Variants in RAPGEF6 observed in about 807,000 individuals in gnomAD.
The protein encoded by RAPGEF6 is Rap guanine nucleotide exchange factor 6.
Under a neutral mutation model 171.4 loss-of-function variants are expected in RAPGEF6, and 56 were observed. The ratio of observed to expected loss-of-function variants is 0.33; its 90% confidence interval spans 0.26 to 0.41. The LOEUF (loss-of-function observed/expected upper bound fraction) is 0.41. RAPGEF6 is among the 10% of genes least tolerant of loss of function. The probability of loss-of-function intolerance (pLI) is 1.00; values close to 1 mark genes in which losing one functional copy is unlikely to be tolerated. For missense variants in RAPGEF6, 1,674 were observed against 1,921.4 expected (o/e 0.87, Z 2.41); for synonymous variants, 692 against 650.1 (o/e 1.06, Z -0.98).
intron 24 of RAPGEF6, among the ~76,000 whole-genome samples, chr5:131,434,688 T>A (rs541513405): frequency 6.6e-6 from 1 of 152,354 alleles, no homozygotes; most frequent in Admixed American, 6.5e-5. Context: ...ATGTTCTATG[T>A]TGTTCTGTGA....
At chr5:131,596,677 G>A (rs1292808908) in intron 3 of RAPGEF6, among the ~76,000 whole-genome samples, 1 of 152,014 alleles carries the variant, frequency 6.6e-6, no homozygotes, top group East Asian at 1.9e-4. Flanking sequence ...CTTAGAAAAT[G>A]TATATCTCCT....
chr5:131,538,654 T>C (rs1332901657), intron 6 of RAPGEF6, among the ~76,000 whole-genome samples: 1 of 152,212 alleles, frequency 6.6e-6, no homozygotes, highest in Non-Finnish European at 1.5e-5. Context: ...CCATGGATAC[T>C]GAGGGACCAT....
At chr5:131,486,983 G>T (rs1755938924) in intron 15 of RAPGEF6, among the ~76,000 whole-genome samples, 1 of 152,144 alleles carries the variant, frequency 6.6e-6, no homozygotes, top group Non-Finnish European at 1.5e-5. Context: ...CTGATCGTCA[G>T]TTTTAAGTAA....
In RAPGEF6 at chr5:131,426,701, G is replaced by GGTCGC; in HGVS notation, c.*564_*565insGCGAC. On this transcript the variant is annotated 3_prime_UTR_variant, in exon 28 of 28. Coordinates refer to ENST00000509018, the MANE Select transcript of RAPGEF6 (RefSeq NM_016340.6). ...CAAGTCACATCTCTGTGTAGATCAA[G>GGTCGC]CATATCACCTCTGTAAAGATGACTT... is the stretch of plus-strand genomic sequence containing the variant. The GGTCGC allele has an allele frequency of 6.4e-6, 1 of 155,882 alleles. No individual in the cohort carries two copies. The highest frequency in any genetic ancestry group is 1.4e-5 in the Non-Finnish European group (1 of 71,128). 9.7% of individuals were successfully genotyped at this position (155,882 alleles called of 1,614,324 possible). A position where few individuals can be genotyped will look rare whatever the true frequency, so the allele number is the denominator to read the frequency against.
rs556619406 is a variant in RAPGEF6, at chr5:131,498,319, T to C, written c.1419+124A>G. 277 of 857,126 alleles carry C rather than the reference T, an allele frequency of 3.2e-4. No individual in the cohort carries two copies. In the African/African-American group the frequency reaches 4.2e-3, roughly 13 times the overall value. The allele number at this position is 857,126 out of a possible 1,614,324, so 53.1% of individuals were successfully genotyped here. A position where few individuals can be genotyped will look rare whatever the true frequency, so the allele number is the denominator to read the frequency against. ...AGAATGTTTATACTGATGGTTCAGGTTCATTAATTTTTTTAGGTGTACTGA... is the reference window on the plus strand; with the variant it reads ...AGAATGTTTATACTGATGGTTCAGGCTCATTAATTTTTTTAGGTGTACTGA... On this transcript the variant is annotated intron_variant, in intron 12 of 27. Transcript: ENST00000509018.
chr5:131,516,071 T>C (rs1561527913), intron 7 of RAPGEF6, among the ~76,000 whole-genome samples: 9 of 8,372 alleles, frequency 1.1e-3, no homozygotes, highest in Non-Finnish European at 1.7e-3. Context: ...TTTTTTTTTT[T>C]TTTTTTTTTT....
Position 131,426,759 on chromosome 5 carries a change from C to A in RAPGEF6, c.*507G>T. On this transcript the variant is annotated 3_prime_UTR_variant, in exon 28 of 28. Coordinates refer to ENST00000509018, the MANE Select transcript of RAPGEF6 (RefSeq NM_016340.6). Reference sequence around the variant, plus strand: ...GTCAGACCAGAGACAATTTTATGACCTCAAACATGAATATCAGCTAACAAG... The same window carrying A: ...GTCAGACCAGAGACAATTTTATGACATCAAACATGAATATCAGCTAACAAG... 13 of 172,158 alleles carry A rather than the reference C, an allele frequency of 7.6e-5. No homozygotes were observed. Among genetic ancestry groups the A allele is most frequent in the South Asian group, 1.5e-4 (1 of 6,774 alleles). The allele number at this position is 172,158 out of a possible 1,614,324, so 10.7% of individuals were successfully genotyped here. A position where few individuals can be genotyped will look rare whatever the true frequency, so the allele number is the denominator to read the frequency against.
At chr5:131,577,794 C>G (rs1042336781) in intron 4 of RAPGEF6, among the ~76,000 whole-genome samples, 7 of 152,152 alleles carry the variant, frequency 4.6e-5, no homozygotes, top group African/African-American at 1.4e-4. Context: ...GTCACAAGTA[C>G]TCTCCCCTAC....
intron 21 of RAPGEF6, among the ~76,000 whole-genome samples, chr5:131,447,572 C>G (rs1383306957): frequency 1.3e-5 from 2 of 152,144 alleles, no homozygotes; most frequent in Admixed American, 6.6e-5. Flanking sequence ...ACAAGGCTAA[C>G]AAATACAAAA....
At chr5:131,572,951 A>G (rs1762390378) in intron 4 of RAPGEF6, among the ~76,000 whole-genome samples, 1 of 152,040 alleles carries the variant, frequency 6.6e-6, no homozygotes, top group Non-Finnish European at 1.5e-5. Flanking sequence ...AATTGCGCAA[A>G]TGGTCTGAGG....
chr5:131,562,293 A>C (rs1199145909), intron 4 of RAPGEF6, among the ~76,000 whole-genome samples: 1 of 152,096 alleles, frequency 6.6e-6, no homozygotes, highest in Non-Finnish European at 1.5e-5. Context: ...GCCTTTAACT[A>C]GTCCCTAAAA....
intron 16 of RAPGEF6, among the ~76,000 whole-genome samples, chr5:131,474,101 G>A (rs1180681974): frequency 3.9e-5 from 6 of 152,132 alleles, no homozygotes; most frequent in Non-Finnish European, 8.8e-5. Flanking sequence ...AGGTAATATA[G>A]GCGAATGTTG....
intron 22 of RAPGEF6, 64 bp downstream of exon 22, chr5:131,446,419 T>C (rs574564255): frequency 2.8e-6 from 4 of 1,443,774 alleles, no homozygotes; most frequent in South Asian, 1.3e-5. Flanking sequence ...GGTATAATTC[T>C]AGAGAAATAA....
intron 22 of RAPGEF6, among the ~76,000 whole-genome samples, chr5:131,444,520 T>G (rs2149815299): frequency 6.6e-6 from 1 of 152,332 alleles, no homozygotes; most frequent in East Asian, 1.9e-4. Flanking sequence ...TCAACTATTG[T>G]TTGGGCTTCG....
At chr5:131,460,294 G>C (rs1304464610) in intron 19 of RAPGEF6, among the ~76,000 whole-genome samples, 1 of 152,080 alleles carries the variant, frequency 6.6e-6, no homozygotes, top group Admixed American at 6.5e-5. Context: ...GTGCTACTCT[G>C]TTTCTTGTAC....
At chr5:131,442,303 T>C (rs1245351979) in intron 23 of RAPGEF6, 46 bp downstream of exon 23, 1 of 1,520,688 alleles carries the variant, frequency 6.6e-7, no homozygotes, top group African/African-American at 1.4e-5. Flanking sequence ...CTAACTCCCC[T>C]GGAAATTTCA....
At chr5:131,622,919 GA>G (rs952125896) in intron 1 of RAPGEF6, among the ~76,000 whole-genome samples, 1 of 152,058 alleles carries the variant, frequency 6.6e-6, no homozygotes, top group Admixed American at 6.5e-5. Flanking sequence ...CGCCAATTCA[GA>G]AAAAAACTCT....
At chr5:131,567,734 T>C (rs1480118163) in intron 4 of RAPGEF6, among the ~76,000 whole-genome samples, 2 of 152,204 alleles carry the variant, frequency 1.3e-5, no homozygotes, top group Non-Finnish European at 2.9e-5. Context: ...TGGTTGGTAA[T>C]ACTTTTCAAG....
intron 4 of RAPGEF6, among the ~76,000 whole-genome samples, chr5:131,587,551 CATATT>C (rs1206974431): frequency 6.6e-6 from 1 of 152,060 alleles, no homozygotes; most frequent in East Asian, 1.9e-4. Context: ...CACTTTTCCC[CATATT>C]ATATTTCTCA....
Sources: gnomAD v4.1 joint callset for allele counts (sites outside exome capture counted in the v4.1 genomes callset) on GRCh38, gnomAD v4.1.1 for gene constraint, MANE v1.5 for transcripts, NCBI Gene and HGNC (gene_info 2026-07-23, HGNC 2026-07-21) for gene names.